The following ALYREF variants were observed in gnomAD, a reference collection of about 807,000 sequenced individuals.
ALYREF encodes the protein THO complex subunit 4.
Under a neutral mutation model 25.2 loss-of-function variants are expected in ALYREF, and 1 was observed. The observed-to-expected ratio is 0.04, with a 90% CI of 0.01 to 0.19. The LOEUF (loss-of-function observed/expected upper bound fraction) is 0.19. Among genes scored for constraint, ALYREF ranks in the 10% least tolerant of loss-of-function variants. The probability of loss-of-function intolerance (pLI) is 1.00; values close to 1 mark genes in which losing one functional copy is unlikely to be tolerated. For missense variants in ALYREF, 328 were observed against 375.6 expected (o/e 0.87, Z 1.05); for synonymous variants, 193 against 153.5 (o/e 1.26, Z -1.90).
Position 81,891,432 on chromosome 17 carries a change from T to C in ALYREF, c.149A>G (p.Gln50Arg). 1 of 1,014,502 alleles carries C rather than the reference T, an allele frequency of 9.9e-7. No homozygotes were observed. Among genetic ancestry groups the C allele is most frequent in the African/African-American group, 1.8e-5 (1 of 56,474 alleles). The allele number at this position is 1,014,502 out of a possible 1,614,324, so 62.8% of individuals were successfully genotyped here. ...GCCTCGATTCACTCGCGCGGCGGCC[T>C]GCGCCCCACCGCCGCGGCCGCCCTG... is the stretch of plus-strand genomic sequence containing the variant. ...GSQGGRGGGA[Q>R]AAARVNRGGG... Residue 50 changes from glutamine (Q) to arginine (R), a missense_variant, in exon 1 of 6, where the codon CAG becomes CGG. Gln to Arg is a conservative substitution (Grantham distance 43). Coordinates refer to ENST00000505490, the MANE Select transcript of ALYREF (RefSeq NM_005782.4).
Position 81,888,966 on chromosome 17 carries a change from G to A in ALYREF, c.538+216C>T. 2.1e-6 allele frequency: 3 copies of A among 1,421,368 alleles called. No individual in the cohort carries two copies. The highest frequency in any genetic ancestry group is 2.8e-6 in the Non-Finnish European group (3 of 1,090,068). 88.0% of individuals were successfully genotyped at this position (1,421,368 alleles called of 1,614,324 possible). A position where few individuals can be genotyped will look rare whatever the true frequency, so the allele number is the denominator to read the frequency against. On this transcript the variant is annotated intron_variant, in intron 3 of 5. Transcript: ENST00000505490. The surrounding 1 kb of genome is among the most constrained non-coding windows in gnomAD (Gnocchi z 5.8). ...AGAAGTGAATCTTCCGGAAGGAGCT[G>A]AAGGAGGGGAGGGATGTAGCTTGCT...
At chr17:81,891,039 G>T in intron 1 of ALYREF, 1 of 724,958 alleles carries the variant, frequency 1.4e-6, no homozygotes, top group Non-Finnish European at 2.2e-6. Context: ...ACTTCCCGCC[G>T]CCTGTGCCGC....
At position 81,889,050 on chromosome 17, in the gene ALYREF, T is replaced by G. The variant is rs968655818; in HGVS notation, c.538+132A>C. ...GTGGGGCAGCATGAGAGGTGGCAGA[T>G]GGAAGAGAGAGACAAAGGGGCAAAT... On this transcript the variant is annotated intron_variant, in intron 3 of 5. Coordinates refer to ENST00000505490, the MANE Select transcript of ALYREF (RefSeq NM_005782.4). The G allele has an allele frequency of 1.0e-5, 15 of 1,468,222 alleles. No homozygotes were observed. The Admixed American group carries it at 2.3e-4, about 23-fold the overall frequency. The allele number at this position is 1,468,222 out of a possible 1,614,324, so 90.9% of individuals were successfully genotyped here.
rs1352056178 is a variant in ALYREF at position 81,888,161 on chromosome 17, GA to G, written c.781-17del. ...TGGTGTCCATCTGAAACACAGAGGA[GA>G]AAGAGGCTTGCATTCACAGGCGGCC... On this transcript the variant is annotated splice_polypyrimidine_tract_variant and intron_variant, in intron 5 of 5. Transcript: ENST00000505490. This position sits in a 1 kb window ranked among gnomAD's most constrained non-coding sequence, Gnocchi z 5.8. 1.2e-6 allele frequency: 2 copies of G among 1,613,998 alleles called. No individual in the cohort carries two copies. The highest frequency in any genetic ancestry group is 1.7e-6 in the Non-Finnish European group (2 of 1,180,022).
chr17:81,890,882 T>C lies in ALYREF; in HGVS notation c.259-62A>G. 16 of 1,608,852 alleles carry C rather than the reference T, an allele frequency of 9.9e-6. No individual in the cohort carries two copies. The South Asian group carries it at 1.8e-4, about 18-fold the overall frequency. On this transcript the variant is annotated intron_variant, in intron 1 of 5. Transcript: ENST00000505490. Reference sequence around the variant, plus strand: ...TCTCAGTCCAGGGCTTTCCTGACCCTCACGGCTACTCCGGACCCTTCCTCT... The same window carrying C: ...TCTCAGTCCAGGGCTTTCCTGACCCCCACGGCTACTCCGGACCCTTCCTCT...
Position 81,891,396 on chromosome 17 carries a change from A to G in ALYREF, c.185T>C (p.Ile62Thr). ...AARVNRGGGP[I>T]RNRPAIARGA... ...GCGGGCGATGGCCGGCCGGTTCCGGATGGGCCCGCCGCCTCGATTCACTCG... is the reference window on the plus strand; with the variant it reads ...GCGGGCGATGGCCGGCCGGTTCCGGGTGGGCCCGCCGCCTCGATTCACTCG... Residue 62 changes from isoleucine to threonine, a missense_variant, in exon 1 of 6, where the codon ATC becomes ACC. Ile to Thr is a moderately conservative substitution (Grantham distance 89, BLOSUM62 -1). Coordinates refer to ENST00000505490, the MANE Select transcript of ALYREF (RefSeq NM_005782.4). The G allele has an allele frequency of 9.2e-7, 1 of 1,089,672 alleles. No individual in the cohort carries two copies. The highest frequency in any genetic ancestry group is 1.1e-6 in the Non-Finnish European group (1 of 899,054). 67.5% of individuals were successfully genotyped at this position (1,089,672 alleles called of 1,614,324 possible).
At chr17:81,890,997 C>G (rs1317832368) in intron 1 of ALYREF, 177 bp from the exon 2 acceptor site, 12 of 941,412 alleles carry the variant, frequency 1.3e-5, no homozygotes, top group South Asian at 3.4e-5. Flanking sequence ...ACGGTCCCAC[C>G]GCGGCCGCAC....
chr17:81,890,170 C>A (rs902028721), intron 2 of ALYREF, among the ~76,000 whole-genome samples: 2 of 151,942 alleles, frequency 1.3e-5, no homozygotes, highest in African/African-American at 4.8e-5. Context: ...AAGCTTCAAC[C>A]AAAGATGGAT....
chr17:81,889,663 A>G (rs2039476904), intron 2 of ALYREF: 1 of 255,932 alleles, frequency 3.9e-6, no homozygotes, highest in Admixed American at 4.6e-5. Flanking sequence ...CTGTTCCAAG[A>G]AACGGTAAAG....
chr17:81,888,024 A>C lies in ALYREF; in HGVS notation c.*107T>G. ...TTTTTAAATCCTATTTTAAAACATA[A>C]AAGAAACAAATCCATCATTGGCCGC... On this transcript the variant is annotated 3_prime_UTR_variant, in exon 6 of 6. Transcript: ENST00000505490. The surrounding 1 kb of genome is among the most constrained non-coding windows in gnomAD (Gnocchi z 5.8). 7.1e-7 allele frequency: 1 copy of C among 1,413,426 alleles called. No individual in the cohort carries two copies. Among genetic ancestry groups the C allele is most frequent in the Non-Finnish European group, 9.7e-7 (1 of 1,034,144 alleles). The allele number at this position is 1,413,426 out of a possible 1,614,324, so 87.6% of individuals were successfully genotyped here.
At position 81,887,978 on chromosome 17, in the gene ALYREF, A is replaced by G. The variant is rs1468120550; in HGVS notation, c.*153T>C. On this transcript the variant is annotated 3_prime_UTR_variant, in exon 6 of 6. Coordinates refer to ENST00000505490, the MANE Select transcript of ALYREF (RefSeq NM_005782.4). ...AGAATTAAAAAAAAAAAAAAAGAAA[A>G]AAAAAAAACCTTTACATGAGTTTTT... 23 of 933,834 alleles carry G rather than the reference A, an allele frequency of 2.5e-5. No homozygotes were observed. Among genetic ancestry groups the G allele is most frequent in the Non-Finnish European group, 3.3e-5 (22 of 666,484 alleles). The allele number at this position is 933,834 out of a possible 1,614,324, so 57.8% of individuals were successfully genotyped here. A position where few individuals can be genotyped will look rare whatever the true frequency, so the allele number is the denominator to read the frequency against.
In ALYREF at chr17:81,888,657, G is replaced by C. The variant is rs1248881063; in HGVS notation, c.539-74C>G. ...CCCACCCAGCTGGCGCCACACCCTG[G>C]TCTCCATGCAAACACTGGAAAGGGC... On this transcript the variant is annotated intron_variant, in intron 3 of 5. Transcript: ENST00000505490. The surrounding 1 kb of genome is among the most constrained non-coding windows in gnomAD (Gnocchi z 5.8). 5.2e-6 allele frequency: 8 copies of C among 1,542,948 alleles called. No individual in the cohort carries two copies. The African/African-American group carries it at 8.2e-5, about 16-fold the overall frequency.
chr17:81,888,621 A>G lies in ALYREF; in HGVS notation c.539-38T>C, dbSNP rs1344046633. ...ATACGAGAAGGCACGTTCTATTGAGAGGCTCTGAAACCCACCCAGCTGGCG... is the reference window on the plus strand; with the variant it reads ...ATACGAGAAGGCACGTTCTATTGAGGGGCTCTGAAACCCACCCAGCTGGCG... On this transcript the variant is annotated intron_variant, in intron 3 of 5. Coordinates refer to ENST00000505490, the MANE Select transcript of ALYREF (RefSeq NM_005782.4). The surrounding 1 kb of genome is among the most constrained non-coding windows in gnomAD (Gnocchi z 5.8). 7 of 1,565,342 alleles carry G rather than the reference A, an allele frequency of 4.5e-6. No homozygotes were observed. Among genetic ancestry groups the G allele is most frequent in the Admixed American group, 1.9e-5 (1 of 52,440 alleles).
intron 2 of ALYREF, 38 bp downstream of exon 2, chr17:81,890,651 C>G: frequency 6.2e-7 from 1 of 1,607,070 alleles, no homozygotes; most frequent in Non-Finnish European, 8.5e-7. Context: ...CCGTCCTGTG[C>G]AGGGCGAACG....
intron 2 of ALYREF, 56 bp from the exon 3 acceptor site, chr17:81,889,385 TGGCCCAGGGACA>T: frequency 6.3e-7 from 1 of 1,598,718 alleles, no homozygotes; most frequent in South Asian, 1.1e-5. Flanking sequence ...TTCCTTCTGG[TGGCCCAGGGACA>T]GGCCCTGGAA....
intron 3 of ALYREF, 80 bp downstream of exon 3, chr17:81,889,102 C>T: frequency 6.4e-7 from 1 of 1,572,450 alleles, no homozygotes; most frequent in South Asian, 1.1e-5. Flanking sequence ...CACAGGGGTA[C>T]CCCATATTCC....
intron 2 of ALYREF, among the ~76,000 whole-genome samples, chr17:81,890,312 A>G (rs1177050378): frequency 3.9e-5 from 6 of 152,160 alleles, no homozygotes; most frequent in Non-Finnish European, 8.8e-5. Flanking sequence ...CAAGATACAT[A>G]AAGAAGATTC....
At chr17:81,889,868 G>C (rs993058768) in intron 2 of ALYREF, 3 of 155,172 alleles carry the variant, frequency 1.9e-5, no homozygotes, top group Non-Finnish European at 4.3e-5. Context: ...GGCAGGCTGG[G>C]AGTTGGAGAG....
chr17:81,888,177 C>A lies in ALYREF; in HGVS notation c.781-32G>T, dbSNP rs1458331018. 1 of 1,614,044 alleles carries A rather than the reference C, an allele frequency of 6.2e-7. No individual in the cohort carries two copies. The highest frequency in any genetic ancestry group is 1.1e-5 in the South Asian group (1 of 91,094). Reference sequence around the variant, plus strand: ...CACAGAGGAGAAAGAGGCTTGCATTCACAGGCGGCCTGCTCCCCACTGCGG... The same window carrying A: ...CACAGAGGAGAAAGAGGCTTGCATTAACAGGCGGCCTGCTCCCCACTGCGG... On this transcript the variant is annotated intron_variant, in intron 5 of 5. Transcript: ENST00000505490. The surrounding 1 kb of genome is among the most constrained non-coding windows in gnomAD (Gnocchi z 5.8).
Sources: allele counts gnomAD v4.1 joint callset (sites outside exome capture counted in the v4.1 genomes callset), GRCh38; gene constraint gnomAD v4.1.1; non-coding constraint Gnocchi (gnomAD v3.1); transcripts MANE v1.5; gene names NCBI Gene and HGNC (gene_info 2026-07-23, HGNC 2026-07-21).